The following KCNN2 variants were observed in gnomAD, a reference collection of about 807,000 sequenced individuals.
KCNN2 encodes the protein potassium calcium-activated channel subfamily N member 2.
In KCNN2, 24 loss-of-function variants were observed where a neutral mutation model predicts 55.5. That is an observed-to-expected ratio of 0.43 (90% CI 0.31 to 0.61). The LOEUF (loss-of-function observed/expected upper bound fraction) is 0.61. Among genes scored for constraint, KCNN2 ranks in the 20% least tolerant of loss-of-function variants. The pLI, the probability that KCNN2 is intolerant of heterozygous loss-of-function variation, is 0.08. For missense variants in KCNN2, 754 were observed against 853.6 expected (o/e 0.88, Z 1.45); for synonymous variants, 431 against 336.1 (o/e 1.28, Z -3.09).
chr5:114,223,617 G>A (rs1303776170), intron 2 of KCNN2, among the ~76,000 whole-genome samples: 2 of 152,070 alleles, frequency 1.3e-5, no homozygotes, highest in Non-Finnish European at 2.9e-5. Flanking sequence ...TTTTACAAGA[G>A]AATTTAATAC....
intron 2 of KCNN2, among the ~76,000 whole-genome samples, chr5:114,288,799 G>T (rs55875325): frequency 6.6e-6 from 1 of 151,908 alleles, no homozygotes; most frequent in African/African-American, 2.4e-5. Flanking sequence ...ATATTTTCAC[G>T]CATCCTGTAG....
At chr5:114,425,684 C>A (rs1265088256) in intron 3 of KCNN2, among the ~76,000 whole-genome samples, 12 of 152,110 alleles carry the variant, frequency 7.9e-5, no homozygotes, top group Non-Finnish European at 1.8e-4. Flanking sequence ...TGTTGGCTCT[C>A]CCTTCAAAAT....
intron 2 of KCNN2, among the ~76,000 whole-genome samples, chr5:114,258,945 T>C (rs1280676902): frequency 6.6e-6 from 1 of 152,170 alleles, no homozygotes; most frequent in African/African-American, 2.4e-5. Flanking sequence ...ACACCACCAG[T>C]GGGGCTGCAG....
chr5:114,380,309 G>C (rs1758077932), intron 2 of KCNN2, among the ~76,000 whole-genome samples: 1 of 152,154 alleles, frequency 6.6e-6, no homozygotes, highest in African/African-American at 2.4e-5. Flanking sequence ...CATCTCTGCT[G>C]TTGCAGGAAT....
intron 1 of KCNN2, among the ~76,000 whole-genome samples, chr5:114,115,770 C>T (rs553608142): frequency 6.6e-6 from 1 of 152,070 alleles, no homozygotes; most frequent in African/African-American, 2.4e-5. Flanking sequence ...AAGAGCCTGC[C>T]CTTTCTTTTG....
chr5:114,360,942 C>A, upstream of KCNN2: 1 of 153,222 alleles, frequency 6.5e-6, no homozygotes, highest in Non-Finnish European at 1.5e-5. Context: ...GTCTGCGCTG[C>A]AGGTGAGGAG....
upstream of KCNN2, among the ~76,000 whole-genome samples, chr5:114,359,321 G>T (rs548038114): frequency 2.5e-4 from 38 of 152,242 alleles, no homozygotes; most frequent in African/African-American, 8.9e-4. Context: ...CCCTTGAAGA[G>T]AAGTGAGAAC....
At chr5:114,402,368 A>C (rs1364123348) in intron 2 of KCNN2, among the ~76,000 whole-genome samples, 1 of 152,226 alleles carries the variant, frequency 6.6e-6, no homozygotes, top group Non-Finnish European at 1.5e-5. Context: ...GTGAGAAAAC[A>C]AACACAACCT....
chr5:114,436,067 G>A (rs1327072929), intron 3 of KCNN2, among the ~76,000 whole-genome samples: 2 of 152,168 alleles, frequency 1.3e-5, no homozygotes, highest in Non-Finnish European at 2.9e-5. Flanking sequence ...CTGCAAAGCT[G>A]CATTTCACAC....
chr5:114,379,045 A>T (rs1432645348), intron 2 of KCNN2, among the ~76,000 whole-genome samples: 1 of 152,116 alleles, frequency 6.6e-6, no homozygotes, highest in Non-Finnish European at 1.5e-5. Context: ...TGAGCTGCCT[A>T]CTGGCAACTC....
chr5:114,218,462 A>C (rs1178894281), intron 1 of KCNN2, among the ~76,000 whole-genome samples: 1 of 152,214 alleles, frequency 6.6e-6, no homozygotes, highest in Non-Finnish European at 1.5e-5. Flanking sequence ...CTTAAAATGC[A>C]TATTACTAAA....
chr5:114,360,013 T>G (rs1052783457), upstream of KCNN2, among the ~76,000 whole-genome samples: 12 of 152,216 alleles, frequency 7.9e-5, no homozygotes, highest in African/African-American at 2.7e-4. Flanking sequence ...TTTATTGAAT[T>G]GCTATTTTGA....
rs758511460 is a variant in KCNN2 at position 114,362,754 on chromosome 5, C to G, written c.615C>G (p.Ser205Arg). 1 of 1,557,376 alleles carries G rather than the reference C, an allele frequency of 6.4e-7. No homozygotes were observed. Among genetic ancestry groups the G allele is most frequent in the South Asian group, 1.2e-5 (1 of 83,638 alleles). ...ACCAGCCCCAGGCGCGCCGCGAGAG[C>G]AACCCCTTCACCGAAATAGCCATGA... ...QHHQPQARRE[S>R]NPFTEIAMSS... is the part of the protein sequence containing the mutation. Residue 205 changes from serine (S) to arginine (R), a missense_variant, in exon 1 of 8, where the codon AGC becomes AGG. Around this residue, in one of 4 missense-constraint regions of KCNN2, gnomAD observed 381 missense variants for 259.1 expected, o/e 1.47. Transcript: ENST00000673685.
At chr5:114,464,041 T>G (rs1761330177) in intron 4 of KCNN2, among the ~76,000 whole-genome samples, 3 of 152,130 alleles carry the variant, frequency 2.0e-5, no homozygotes, top group Non-Finnish European at 4.4e-5. Context: ...GGCCACGTCT[T>G]GTGGAGCACT....
At chr5:114,226,813 A>G (rs1289894177) in intron 2 of KCNN2, among the ~76,000 whole-genome samples, 1 of 151,310 alleles carries the variant, frequency 6.6e-6, no homozygotes, top group Non-Finnish European at 1.5e-5. Context: ...AGGCAGGAGA[A>G]TCCCTTGAAC....
chr5:114,408,486 T>C lies in KCNN2; in HGVS notation c.1637+3630T>C, dbSNP rs375306631. On this transcript the variant is annotated intron_variant, in intron 3 of 7. Transcript: ENST00000673685. ...TCTTTTTAAGGAAAGGTAGACTCCT[T>C]ATGGTAATGCTTTGTTTCCTAGCAA... Among the ~76,000 whole-genome samples the C allele has an allele frequency of 3.9e-5, 6 of 152,290 alleles. No homozygotes were observed. In the East Asian group the frequency reaches 9.7e-4, roughly 25 times the overall value.
chr5:114,449,663 G>A (rs1257662663), intron 3 of KCNN2, among the ~76,000 whole-genome samples: 1 of 152,098 alleles, frequency 6.6e-6, no homozygotes, highest in East Asian at 1.9e-4. Flanking sequence ...CTCAGAGCAA[G>A]TGAACAAGAC....
chr5:114,282,486 A>G (rs1349125853), intron 2 of KCNN2, among the ~76,000 whole-genome samples: 1 of 152,074 alleles, frequency 6.6e-6, no homozygotes, highest in Non-Finnish European at 1.5e-5. Context: ...TAATACAATC[A>G]TATTTATTGT....
chr5:114,086,856 A>G lies in KCNN2; in HGVS notation c.-271+30356A>G, dbSNP rs191968735. The stretch of plus-strand genomic sequence containing the variant: ...GTTTTAAGTTCTTTGAGAAATCTCC[A>G]TACTGCTTTCCACAGTGGCTGAACT... On this transcript the variant is annotated intron_variant, in intron 1 of 10. Coordinates refer to the KCNN2 transcript ENST00000512097. Among the ~76,000 whole-genome samples the G allele has an allele frequency of 2.0e-3, 302 of 152,332 alleles. 3 individuals carry two copies. Among genetic ancestry groups the G allele is most frequent in the Middle Eastern group, 3.4e-3 (1 of 294 alleles).
Sources: allele counts gnomAD v4.1 joint callset (sites outside exome capture counted in the v4.1 genomes callset), GRCh38; gene constraint gnomAD v4.1.1; regional missense constraint gnomAD v4.1.1; transcripts MANE v1.5; gene names NCBI Gene and HGNC (gene_info 2026-07-23, HGNC 2026-07-21).